Variants in SNX24 observed in about 807,000 individuals in gnomAD.
SNX24 encodes the protein sorting nexin-24.
In SNX24, 22 loss-of-function variants were observed where a neutral mutation model predicts 28.7. The observed-to-expected ratio is 0.77, with a 90% CI of 0.55 to 1.10. The LOEUF (loss-of-function observed/expected upper bound fraction) is 1.10, where lower values mean the gene tolerates loss of function less well. Among genes scored for constraint, SNX24 ranks in the 50% least tolerant of loss-of-function variants. The pLI is 0.00. For synonymous variants in SNX24, 69 were observed against 71.5 expected (o/e 0.96, Z 0.18); for missense variants, 221 against 201.1 (o/e 1.10, Z -0.60).
chr5:123,019,017 ACT>A (rs921265760), intron 5 of SNX24, among the ~76,000 whole-genome samples: 1 of 135,422 alleles, frequency 7.4e-6, no homozygotes, highest in African/African-American at 2.5e-5. Flanking sequence ...TTTTGTATTA[ACT>A]CTATTTGTCA....
intron 1 of SNX24, among the ~76,000 whole-genome samples, chr5:122,894,438 G>A (rs537999542): frequency 2.0e-5 from 3 of 151,450 alleles, no homozygotes; most frequent in Non-Finnish European, 2.9e-5. Flanking sequence ...TTTTTGGTCA[G>A]TATATCCTAA....
intron 1 of SNX24, among the ~76,000 whole-genome samples, chr5:122,929,809 T>G (rs1758870425): frequency 6.6e-6 from 1 of 152,102 alleles, no homozygotes; most frequent in African/African-American, 2.4e-5. Flanking sequence ...AAAGCTACAT[T>G]TTAGGTTTTT....
chr5:123,025,747 TA>T (rs1199532543), intron 5 of SNX24: 2 of 1,580,314 alleles, frequency 1.3e-6, no homozygotes, highest in Admixed American at 3.6e-5. Flanking sequence ...TCAATAAAAA[TA>T]TAAAGCTTTG....
At chr5:122,919,818 T>A (rs1305081389) in intron 1 of SNX24, among the ~76,000 whole-genome samples, 2 of 152,106 alleles carry the variant, frequency 1.3e-5, no homozygotes, top group Non-Finnish European at 1.5e-5. Context: ...GGCTACACGG[T>A]TCACATGCAT....
chr5:122,916,209 G>T (rs557708703), intron 1 of SNX24, among the ~76,000 whole-genome samples: 2 of 152,290 alleles, frequency 1.3e-5, no homozygotes, highest in African/African-American at 4.8e-5. Flanking sequence ...ACTGTATCTG[G>T]TTTTTGTTTC....
chr5:123,006,129 CAG>C (rs1344952804), intron 6 of SNX24, among the ~76,000 whole-genome samples: 1 of 152,190 alleles, frequency 6.6e-6, no homozygotes, highest in Non-Finnish European at 1.5e-5. Flanking sequence ...ATCCAGGAAA[CAG>C]AGGCCTCTCA....
At chr5:123,025,130 C>T (rs1460129719) in intron 5 of SNX24, among the ~76,000 whole-genome samples, 1 of 152,056 alleles carries the variant, frequency 6.6e-6, no homozygotes, top group African/African-American at 2.4e-5. Context: ...GCTTTGTTTT[C>T]AACTATTTTA....
rs1391599450 is a variant in SNX24 at position 122,881,432 on chromosome 5, G to A, written c.60+35739G>A. ...GTATGGATCAGCAGCATTGGTGAGAGTGTGTTAGAAATGCAGATTGTCAGG... is the reference window on the plus strand; with the variant it reads ...GTATGGATCAGCAGCATTGGTGAGAATGTGTTAGAAATGCAGATTGTCAGG... On this transcript the variant is annotated intron_variant, in intron 1 of 6. Coordinates refer to ENST00000261369, the MANE Select transcript of SNX24 (RefSeq NM_014035.4). Among the ~76,000 whole-genome samples the A allele has an allele frequency of 2.6e-5, 4 of 152,148 alleles. No homozygotes were observed. The East Asian group carries it at 7.7e-4, about 29-fold the overall frequency.
At chr5:122,902,890 CAT>C (rs2150081325) in intron 1 of SNX24, among the ~76,000 whole-genome samples, 1 of 152,300 alleles carries the variant, frequency 6.6e-6, no homozygotes, top group South Asian at 2.1e-4. Context: ...AGTTTCAACT[CAT>C]ATTAGTCTGC....
At chr5:122,916,739 C>T (rs578178386) in intron 1 of SNX24, among the ~76,000 whole-genome samples, 1 of 152,308 alleles carries the variant, frequency 6.6e-6, no homozygotes, top group South Asian at 2.1e-4. Flanking sequence ...CAATCTCTGA[C>T]CAGAGACTAG....
chr5:122,950,875 T>C (rs917703427), intron 3 of SNX24, among the ~76,000 whole-genome samples: 4 of 152,268 alleles, frequency 2.6e-5, no homozygotes, highest in East Asian at 3.9e-4. Context: ...ATGATAATGC[T>C]TAGAAATTTT....
intron 1 of SNX24, among the ~76,000 whole-genome samples, chr5:122,913,580 T>C (rs1413219128): frequency 6.7e-6 from 1 of 149,404 alleles, no homozygotes; most frequent in African/African-American, 2.5e-5. Flanking sequence ...TCCTCACTTC[T>C]CAGATGGGGC....
At chr5:122,947,113 G>A (rs1759721593) in intron 3 of SNX24, among the ~76,000 whole-genome samples, 1 of 152,202 alleles carries the variant, frequency 6.6e-6, no homozygotes, top group Admixed American at 6.5e-5. Flanking sequence ...CCACCTAAGA[G>A]CTATGAATTA....
intron 6 of SNX24, among the ~76,000 whole-genome samples, chr5:123,006,040 A>G (rs1445062145): frequency 6.6e-6 from 1 of 152,198 alleles, no homozygotes; most frequent in Non-Finnish European, 1.5e-5. Context: ...CTATTATGAA[A>G]TCCATTTCAC....
chr5:122,855,485 A>T (rs902349444), intron 1 of SNX24, among the ~76,000 whole-genome samples: 2 of 152,138 alleles, frequency 1.3e-5, no homozygotes, highest in Admixed American at 6.6e-5. Context: ...ATTCTTCCAA[A>T]ATTGGTTTCA....
Position 123,007,737 on chromosome 5 carries a change from A to G in SNX24, c.498A>G (p.Leu166=). 3 of 1,599,766 alleles carry G rather than the reference A, an allele frequency of 1.9e-6. No individual in the cohort carries two copies. Among genetic ancestry groups the G allele is most frequent in the Non-Finnish European group, 2.5e-6 (3 of 1,176,606 alleles). The change falls in exon 7 of 7, where the codon CTA becomes CTG. Residue 166 remains leucine, a synonymous_variant. Transcript: ENST00000261369. ...TCCATGGGATATTTTACCCTCATCTACAGCCCAGGTAGAAATCCTACATGG... is the reference window on the plus strand; with the variant it reads ...TCCATGGGATATTTTACCCTCATCTGCAGCCCAGGTAGAAATCCTACATGG... ...GVLHGIFYPH[L]QPR is the part of the protein sequence containing the mutation.
At chr5:122,948,349 G>A (rs899611526) in intron 3 of SNX24, among the ~76,000 whole-genome samples, 9 of 152,080 alleles carry the variant, frequency 5.9e-5, no homozygotes, top group African/African-American at 2.2e-4. Context: ...CCCAGGGAGT[G>A]GATGCCACCA....
chr5:122,961,019 A>G (rs781361512), intron 3 of SNX24, among the ~76,000 whole-genome samples: 1 of 152,216 alleles, frequency 6.6e-6, no homozygotes, highest in African/African-American at 2.4e-5. Context: ...AAATATGTTT[A>G]TCTTTCTTTT....
chr5:122,905,458 C>T (rs1265820701), intron 1 of SNX24, among the ~76,000 whole-genome samples: 1 of 152,136 alleles, frequency 6.6e-6, no homozygotes, highest in African/African-American at 2.4e-5. Flanking sequence ...TAACTGCATC[C>T]AAAAAATTTA....
Sources: allele counts gnomAD v4.1 joint callset (sites outside exome capture counted in the v4.1 genomes callset), GRCh38; gene constraint gnomAD v4.1.1; transcripts MANE v1.5; gene names NCBI Gene and HGNC (gene_info 2026-07-23, HGNC 2026-07-21).